Variants in TOP3A observed in about 807,000 individuals in gnomAD.
The protein encoded by TOP3A is DNA topoisomerase III alpha, also known as DNA topoisomerase 3-alpha.
TOP3A carries 64 observed loss-of-function variants against 111.3 expected under a neutral mutation model. That is an observed-to-expected ratio of 0.57 (90% CI 0.47 to 0.71). The LOEUF (loss-of-function observed/expected upper bound fraction) is 0.71. Among genes scored for constraint, TOP3A ranks in the 30% least tolerant of loss-of-function variants. The probability of loss-of-function intolerance (pLI) is 0.00; values close to 1 mark genes in which losing one functional copy is unlikely to be tolerated. For missense variants in TOP3A, 1,104 were observed against 1,285.0 expected (o/e 0.86, Z 2.15); for synonymous variants, 484 against 485.1 (o/e 1.00, Z 0.03).
In TOP3A at chr17:18,272,232, T is replaced by C. The variant is rs530347208; in HGVS notation, c.*2570A>G. Among the ~76,000 whole-genome samples, 12 of 152,020 alleles carry C rather than the reference T, an allele frequency of 7.9e-5. No homozygotes were observed. Among genetic ancestry groups the C allele is most frequent in the Non-Finnish European group, 1.5e-4 (10 of 68,006 alleles). ...CAATGACACGCCACTTCATACCCAC[T>C]AGGATGACAAAACACTAGGATGGCT... On this transcript the variant is annotated 3_prime_UTR_variant, in exon 19 of 19. Transcript: ENST00000321105.
chr17:18,274,787 T>C lies in TOP3A; in HGVS notation c.*15A>G. ...ACAGGTCTGAGAAAGTGGCGTTCTC[T>C]ACCCTACCCTGAGCTCATCTGTTCT... On this transcript the variant is annotated 3_prime_UTR_variant, in exon 19 of 19. Transcript: ENST00000321105. The C allele has an allele frequency of 6.2e-7, 1 of 1,605,508 alleles. No individual in the cohort carries two copies. The highest frequency in any genetic ancestry group is 8.5e-7 in the Non-Finnish European group (1 of 1,174,476).
intron 14 of TOP3A, 43 bp downstream of exon 14, chr17:18,285,364 G>A: frequency 6.2e-7 from 1 of 1,613,156 alleles, no homozygotes; most frequent in South Asian, 1.1e-5. Context: ...AGGGACTTGG[G>A]CGACACCACC....
intron 15 of TOP3A, 22 bp downstream of exon 15, chr17:18,285,120 T>G (rs1980005059): frequency 6.2e-7 from 1 of 1,610,466 alleles, no homozygotes; most frequent in Non-Finnish European, 8.5e-7. Flanking sequence ...GAGACCCCTC[T>G]GTATTTCTTT....
At chr17:18,277,541 G>A in intron 18 of TOP3A, 134 bp downstream of exon 18, 1 of 910,540 alleles carries the variant, frequency 1.1e-6, no homozygotes. Context: ...GAGGAAAAGT[G>A]AGGTGCAAGG....
At position 18,302,627 on chromosome 17, in the gene TOP3A, C is replaced by T. The variant is rs1981306754; in HGVS notation, c.596G>A (p.Arg199Lys). 6.2e-7 allele frequency: 1 copy of T among 1,614,234 alleles called. No individual in the cohort carries two copies. The highest frequency in any genetic ancestry group is 8.5e-7 in the Non-Finnish European group (1 of 1,180,034). ...ACENLTEPDQ[R>K]VSDAVDVRQE... is the part of the protein sequence containing the mutation. Reference sequence around the variant, plus strand: ...CCTCACATCCACAGCATCGCTCACCCTCTGATCAGGCTCGGTCAGGTTTTC... The same window carrying T: ...CCTCACATCCACAGCATCGCTCACCTTCTGATCAGGCTCGGTCAGGTTTTC... The change falls in exon 6 of 19, where the codon AGG (arginine) becomes AAG (lysine). Residue 199 changes from arginine (R) to lysine (K), a missense_variant. Physicochemically the swap from Arg to Lys is conservative, Grantham distance 26. Transcript: ENST00000321105.
chr17:18,305,975 G>A (rs1432945139), intron 4 of TOP3A, among the ~76,000 whole-genome samples: 5 of 150,640 alleles, frequency 3.3e-5, no homozygotes, highest in African/African-American at 1.2e-4. Flanking sequence ...GCTGAGGCGG[G>A]TGGATCACGT....
At position 18,282,787 on chromosome 17, in the gene TOP3A, T is replaced by C. The variant is rs1295356838; in HGVS notation, c.1932A>G (p.Gln644=). ...CTGGCATGGCTGGGTAGATATCTTCTTGCTGGGCCAACTCTGTCCCATTCC... is the reference window on the plus strand; with the variant it reads ...CTGGCATGGCTGGGTAGATATCTTCCTGCTGGGCCAACTCTGTCCCATTCC... ...YFGNGTELAQ[Q]EDIYPAMPEP... Residue 644 remains glutamine (Q), a synonymous_variant, in exon 16 of 19, where the codon CAA becomes CAG. Transcript: ENST00000321105. 4.3e-6 allele frequency: 7 copies of C among 1,614,236 alleles called. No individual in the cohort carries two copies. Among genetic ancestry groups the C allele is most frequent in the South Asian group, 3.3e-5 (3 of 91,084 alleles).
chr17:18,314,277 A>C (rs1018149575), intron 1 of TOP3A, among the ~76,000 whole-genome samples: 5 of 152,334 alleles, frequency 3.3e-5, no homozygotes, highest in Admixed American at 3.3e-4. Context: ...ACAGTAAAAT[A>C]CACACTTCCC....
chr17:18,314,811 CT>C lies in TOP3A; in HGVS notation c.-34del, dbSNP rs1363397297. 1.4e-6 allele frequency: 2 copies of C among 1,480,732 alleles called. No homozygotes were observed. The highest frequency in any genetic ancestry group is 1.8e-6 in the Non-Finnish European group (2 of 1,112,324). The allele number at this position is 1,480,732 out of a possible 1,614,324, so 91.7% of individuals were successfully genotyped here. On this transcript the variant is annotated 5_prime_UTR_variant, in exon 1 of 19. The change abolishes the stop of an existing upstream ORF in the 5' untranslated region. Transcript: ENST00000321105. ...CCTCGCGCCCGGAGCCGCTCCCCGGCTGCCGGCGCATCCTGGGGAAGCCAGA... is the reference window on the plus strand; with the variant it reads ...CCTCGCGCCCGGAGCCGCTCCCCGGCGCCGGCGCATCCTGGGGAAGCCAGA...
intron 11 of TOP3A, among the ~76,000 whole-genome samples, chr17:18,291,975 G>A (rs1980504027): frequency 6.6e-6 from 1 of 152,154 alleles, no homozygotes; most frequent in Non-Finnish European, 1.5e-5. Flanking sequence ...TCCTCCCACA[G>A]TGTTGGGATT....
chr17:18,300,384 C>CT (rs1450928090), intron 8 of TOP3A, among the ~76,000 whole-genome samples: 2 of 150,468 alleles, frequency 1.3e-5, no homozygotes, highest in African/African-American at 4.9e-5. Context: ...ATGAGCTAGA[C>CT]TTTGTCTCGG....
Position 18,290,915 on chromosome 17 carries a change from A to G in TOP3A, c.1394T>C (p.Phe465Ser). 1 of 1,614,200 alleles carries G rather than the reference A, an allele frequency of 6.2e-7. No homozygotes were observed. The highest frequency in any genetic ancestry group is 8.5e-7 in the Non-Finnish European group (1 of 1,180,036). ...CAGAATCATGAGGCCATGGGCCACAAAGCGTTCCTGAGCGATGTCGATCTC... is the reference window on the plus strand; with the variant it reads ...CAGAATCATGAGGCCATGGGCCACAGAGCGTTCCTGAGCGATGTCGATCTC... The part of the protein sequence containing the change: ...TVEIDIAQER[F>S]VAHGLMILAR... The change falls in exon 12 of 19, where the codon TTT (phenylalanine) becomes TCT (serine). Residue 465 changes from phenylalanine (F) to serine (S), a missense_variant. Physicochemically the swap from Phe to Ser is radical, Grantham distance 155. Transcript: ENST00000321105.
chr17:18,310,564 G>C (rs1335607971), intron 1 of TOP3A, among the ~76,000 whole-genome samples: 1 of 152,096 alleles, frequency 6.6e-6, no homozygotes, highest in Non-Finnish European at 1.5e-5. Context: ...GAAATGCCCA[G>C]AACAGGCAAA....
At chr17:18,279,064 A>G (rs968064092) in intron 17 of TOP3A, among the ~76,000 whole-genome samples, 1 of 152,228 alleles carries the variant, frequency 6.6e-6, no homozygotes, top group Non-Finnish European at 1.5e-5. Context: ...AGCACATGCA[A>G]TGACTCAGCA....
intron 3 of TOP3A, chr17:18,307,232 G>A (rs1369884960): frequency 1.5e-5 from 5 of 337,218 alleles, no homozygotes; most frequent in Non-Finnish European, 2.7e-5. Context: ...CAATTTTGAG[G>A]AACACCAAAA....
intron 18 of TOP3A, 48 bp from the exon 19 acceptor site, chr17:18,275,028 A>G: frequency 6.3e-7 from 1 of 1,587,996 alleles, no homozygotes. Context: ...GACATGCAGA[A>G]GTGGCAAGTC....
In TOP3A at chr17:18,274,902, G is replaced by T. The variant is rs1281544695; in HGVS notation, c.2906C>A (p.Ala969Asp). Residue 969 changes from alanine (A) to aspartate (D), a missense_variant, in exon 19 of 19, where the codon GCC (alanine) becomes GAC (aspartate). Transcript: ENST00000321105. Reference sequence around the variant, plus strand: ...TGTGGACCCCATGTCTGAGGAACTGGCCCGGGGCCTTTTGCTTCTGGCTTC... The same window carrying T: ...TGTGGACCCCATGTCTGAGGAACTGTCCCGGGGCCTTTTGCTTCTGGCTTC... ...ESEARSKRPR[A>D]SSSDMGSTAK... is the part of the protein sequence containing the mutation. The T allele has an allele frequency of 1.9e-6, 3 of 1,614,172 alleles. No individual in the cohort carries two copies. The highest frequency in any genetic ancestry group is 1.7e-4 in the Middle Eastern group (1 of 6,060).
intron 8 of TOP3A, among the ~76,000 whole-genome samples, chr17:18,300,907 T>C (rs1001740273): frequency 3.3e-5 from 5 of 152,216 alleles, no homozygotes; most frequent in East Asian, 3.8e-4. Context: ...GACTCTGCCA[T>C]GTACAGCTCT....
In TOP3A at chr17:18,278,276, G is replaced by A; in HGVS notation, c.2226C>T (p.Asp742=). 6.5e-7 allele frequency: 1 copy of A among 1,536,904 alleles called. No individual in the cohort carries two copies. The highest frequency in any genetic ancestry group is 8.8e-7 in the Non-Finnish European group (1 of 1,142,376). The change falls in exon 18 of 19, where the codon GAC becomes GAT. Residue 742 remains aspartate (D), a synonymous_variant. Coordinates refer to ENST00000321105, the MANE Select transcript of TOP3A (RefSeq NM_004618.5). ...TCAGGTCCAGGATCTCCCTCAGGGT[G>A]TCGTCGCATCCGCCGATGCAGCAAA... ...EFVCCIGGCD[D]TLREILDLRF...
Sources: allele counts gnomAD v4.1 joint callset (sites outside exome capture counted in the v4.1 genomes callset), GRCh38; gene constraint gnomAD v4.1.1; transcripts MANE v1.5; gene names NCBI Gene and HGNC (gene_info 2026-07-23, HGNC 2026-07-21).